The following AKR1C3 variants were observed in gnomAD, a reference collection of about 807,000 sequenced individuals.
AKR1C3 encodes aldo-keto reductase family 1 member C3.
Under a neutral mutation model 43.6 loss-of-function variants are expected in AKR1C3, and 48 were observed. That is an observed-to-expected ratio of 1.10 (90% CI 0.87 to 1.40). AKR1C3 has a LOEUF of 1.40. Among genes scored for constraint, AKR1C3 ranks in the 40% most tolerant of loss-of-function variants. The probability of loss-of-function intolerance (pLI) is 0.00; values close to 1 mark genes in which losing one functional copy is unlikely to be tolerated. For synonymous variants in AKR1C3, 162 were observed against 139.6 expected, an observed-to-expected ratio of 1.16 and a Z score of -1.13; for missense variants, 482 against 391.2, an observed-to-expected ratio of 1.23 and a Z score of -1.96.
chr10:5,103,398 C>A (rs912318211), intron 7 of AKR1C3, among the ~76,000 whole-genome samples: 2 of 151,958 alleles, frequency 1.3e-5, no homozygotes, highest in Non-Finnish European at 2.9e-5. Flanking sequence ...CATAATTATA[C>A]TATTAAATAG....
At chr10:5,082,227 A>G (rs749972993) in intron 1 of AKR1C3, among the ~76,000 whole-genome samples, 2 of 152,140 alleles carry the variant, frequency 1.3e-5, no homozygotes, top group African/African-American at 2.4e-5. Context: ...TCCTGTCATC[A>G]GCAAACAAAA....
At chr10:5,054,559 A>G (rs1838220238) in intron 1 of AKR1C3, among the ~76,000 whole-genome samples, 2 of 152,312 alleles carry the variant, frequency 1.3e-5, no homozygotes, top group South Asian at 4.1e-4. Flanking sequence ...GGGTAGACAG[A>G]ACTTTATCCT....
upstream of AKR1C3, among the ~76,000 whole-genome samples, chr10:5,090,208 T>A (rs1045666159): frequency 1.6e-4 from 24 of 152,100 alleles, no homozygotes; most frequent in Middle Eastern, 3.2e-3. Context: ...GACAGAGATA[T>A]ATCTGGGTAG....
At chr10:5,049,606 T>G (rs1838111046) in intron 1 of AKR1C3, among the ~76,000 whole-genome samples, 1 of 151,870 alleles carries the variant, frequency 6.6e-6, no homozygotes, top group Non-Finnish European at 1.5e-5. Flanking sequence ...GGAGACTTTA[T>G]TTTATAGACT....
intron 1 of AKR1C3, among the ~76,000 whole-genome samples, chr10:5,061,793 C>A (rs782169437): frequency 6.6e-6 from 1 of 152,116 alleles, no homozygotes; most frequent in Non-Finnish European, 1.5e-5. Context: ...CAGAAATATA[C>A]TATTAATTTA....
intron 1 of AKR1C3, among the ~76,000 whole-genome samples, chr10:5,054,208 G>A (rs1300364954): frequency 2.0e-5 from 3 of 152,218 alleles, no homozygotes; most frequent in Non-Finnish European, 4.4e-5. Flanking sequence ...AGTCACTGCT[G>A]CCAAAGAGTC....
chr10:5,098,932 G>A (rs1839281573), intron 4 of AKR1C3, 53 bp downstream of exon 4: 1 of 1,437,868 alleles, frequency 7.0e-7, no homozygotes. Flanking sequence ...GAGAAAATCT[G>A]TTTCCCAGGT....
intron 1 of AKR1C3, among the ~76,000 whole-genome samples, chr10:5,050,363 G>C (rs943478706): frequency 1.1e-4 from 14 of 124,882 alleles, no homozygotes; most frequent in African/African-American, 4.1e-4. Flanking sequence ...GAAGGAGTGT[G>C]GATGCAAAAG....
In AKR1C3 at chr10:5,063,765, C is replaced by CAAAAAAA. The variant is rs71391987; in HGVS notation, c.84+14888_84+14894dup. ...AGGACAGAGGTAGTCTCTGTCTCAG[C>CAAAAAAA]AAAAAAAAAAAAAAAAAAAAAAAAG... On this transcript the variant is annotated intron_variant, in intron 1 of 8. Transcript: ENST00000439082. Among the ~76,000 whole-genome samples, 107 of 46,402 alleles carry CAAAAAAA rather than the reference C, an allele frequency of 2.3e-3. 9 individuals carry two copies. Among genetic ancestry groups the CAAAAAAA allele is most frequent in the African/African-American group, 7.3e-3 (88 of 11,976 alleles). The allele number at this position is 46,402 out of a possible 152,430, so 30.4% of individuals were successfully genotyped here.
chr10:5,076,283 G>A (rs1464147358), intron 1 of AKR1C3, among the ~76,000 whole-genome samples: 2 of 152,100 alleles, frequency 1.3e-5, no homozygotes, highest in Non-Finnish European at 2.9e-5. Flanking sequence ...TGAGATGTGG[G>A]ACCTTTAAGT....
chr10:5,096,678 T>C, intron 2 of AKR1C3, 101 bp downstream of exon 2: 1 of 1,466,986 alleles, frequency 6.8e-7, no homozygotes, highest in Non-Finnish European at 9.0e-7. Context: ...GAATTTTGCT[T>C]CTGGGTTCAA....
In AKR1C3 at chr10:5,096,554, G is replaced by A. The variant is rs1554785166; in HGVS notation, c.229G>A (p.Glu77Lys). ...SKIADGSVKR[E>K]DIFYTSKLWS... The stretch of plus-strand genomic sequence containing the variant: ...GATTGCAGATGGCAGTGTGAAGAGA[G>A]AAGACATATTCTACACTTCAAAGGT... The change falls in exon 2 of 9, where the codon GAA becomes AAA. Residue 77 changes from glutamate (E) to lysine (K), a missense_variant. Transcript: ENST00000380554. The A allele has an allele frequency of 6.2e-7, 1 of 1,613,390 alleles. No individual in the cohort carries two copies. The highest frequency in any genetic ancestry group is 8.5e-7 in the Non-Finnish European group (1 of 1,179,532).
At chr10:5,084,920 T>A (rs1265932057) in intron 1 of AKR1C3, among the ~76,000 whole-genome samples, 5 of 152,214 alleles carry the variant, frequency 3.3e-5, no homozygotes, top group African/African-American at 1.2e-4. Context: ...TTTTTGCACA[T>A]TGATTTTGTA....
chr10:5,083,323 C>T (rs901380840), intron 1 of AKR1C3, among the ~76,000 whole-genome samples: 46 of 151,974 alleles, frequency 3.0e-4, no homozygotes, highest in African/African-American at 5.1e-4. Flanking sequence ...TGAGAACATG[C>T]GGTGTTTGGT....
chr10:5,085,319 A>C (rs1222612758), intron 1 of AKR1C3, among the ~76,000 whole-genome samples: 2 of 151,836 alleles, frequency 1.3e-5, no homozygotes, highest in Non-Finnish European at 2.9e-5. Flanking sequence ...CCTTTTCTGC[A>C]TCTATTGAGA....
upstream of AKR1C3, among the ~76,000 whole-genome samples, chr10:5,092,179 C>T (rs1287104401): frequency 6.6e-6 from 1 of 152,050 alleles, no homozygotes; most frequent in Non-Finnish European, 1.5e-5. Context: ...TTGTTCTGTA[C>T]ATAATACAGA....
At chr10:5,080,724 C>G (rs1838818849) in intron 1 of AKR1C3, 1 of 152,304 alleles carries the variant, frequency 6.6e-6, no homozygotes, top group African/African-American at 2.4e-5. Flanking sequence ...AAGCCACTAT[C>G]TGTGTCTCAC....
chr10:5,102,136 G>T lies in AKR1C3; in HGVS notation c.606G>T (p.Leu202Phe). The stretch of plus-strand genomic sequence containing the variant: ...ATCCGTATTTCAACCGGAGTAAATT[G>T]CTAGATTTCTGCAAGTCGAAAGATA... Reference protein sequence around the residue: ...ECHPYFNRSKLLDFCKSKDIV... With the variant: ...ECHPYFNRSKFLDFCKSKDIV... The change falls in exon 6 of 9, where the codon TTG (leucine) becomes TTT (phenylalanine). Residue 202 changes from leucine (L) to phenylalanine (F), a missense_variant. By Grantham distance (22) the Leu-to-Phe change is conservative. Transcript: ENST00000380554. 1 of 1,613,966 alleles carries T rather than the reference G, an allele frequency of 6.2e-7. No homozygotes were observed. Among genetic ancestry groups the T allele is most frequent in the Non-Finnish European group, 8.5e-7 (1 of 1,179,920 alleles).
At chr10:5,076,781 C>T (rs1554781893) in intron 1 of AKR1C3, among the ~76,000 whole-genome samples, 1 of 152,156 alleles carries the variant, frequency 6.6e-6, no homozygotes, top group Non-Finnish European at 1.5e-5. Context: ...AGAGCTCTGT[C>T]TGGGGGAAGT....
Sources: gnomAD v4.1 joint callset for allele counts (sites outside exome capture counted in the v4.1 genomes callset) on GRCh38, gnomAD v4.1.1 for gene constraint, MANE v1.5 for transcripts, NCBI Gene and HGNC (gene_info 2026-07-23, HGNC 2026-07-21) for gene names.